PPP1R12B: variants seen among roughly 807,000 people sequenced by gnomAD.
PPP1R12B encodes myosin phosphatase target subunit 2.
Under a neutral mutation model 126.1 loss-of-function variants are expected in PPP1R12B, and 76 were observed. The observed-to-expected ratio is 0.60, with a 90% confidence interval of 0.50 to 0.73. PPP1R12B has a LOEUF of 0.73. PPP1R12B is among the 30% of genes least tolerant of loss of function. The probability of loss-of-function intolerance (pLI) is 0.00; values close to 1 mark genes in which losing one functional copy is unlikely to be tolerated. For synonymous variants in PPP1R12B, 356 were observed against 434.7 expected (o/e 0.82, Z 2.25); for missense variants, 1,052 against 1,205.1 (o/e 0.87, Z 1.88).
At chr1:202,515,073 A>G (rs990206685) in intron 18 of PPP1R12B, among the ~76,000 whole-genome samples, 75 of 152,236 alleles carry the variant, frequency 4.9e-4, no homozygotes, top group Non-Finnish European at 9.3e-4. Context: ...GTTGTCACTT[A>G]TAAGTGGAAG....
Position 202,483,109 on chromosome 1 carries a change from G to A in PPP1R12B, c.1851-5424G>A, listed in dbSNP as rs557631135. On this transcript the variant is annotated intron_variant, in intron 13 of 23. Coordinates refer to ENST00000608999, the MANE Select transcript of PPP1R12B (RefSeq NM_002481.4). ...TTCTGTTCCATTGGTCTACGTGTCT[G>A]TTTTTATGCCAGTACCATTCTGTTT... Among the ~76,000 whole-genome samples, 346 of 152,124 alleles carry A rather than the reference G, an allele frequency of 2.3e-3. 1 individual carries two copies. Among genetic ancestry groups the A allele is most frequent in the African/African-American group, 8.0e-3 (333 of 41,528 alleles).
chr1:202,388,194 C>T (rs1166731362), intron 1 of PPP1R12B, among the ~76,000 whole-genome samples: 2 of 150,982 alleles, frequency 1.3e-5, no homozygotes, highest in Non-Finnish European at 3.0e-5. Context: ...TAAGACTTTT[C>T]TTTTTTTGAG....
intron 5 of PPP1R12B, among the ~76,000 whole-genome samples, chr1:202,427,723 C>T (rs570441042): frequency 8.5e-5 from 13 of 152,138 alleles, no homozygotes; most frequent in Admixed American, 3.9e-4. Context: ...CAGCTCACTG[C>T]AGGCTCCACC....
At chr1:202,412,663 G>A (rs1209650983) in intron 1 of PPP1R12B, among the ~76,000 whole-genome samples, 1 of 152,110 alleles carries the variant, frequency 6.6e-6, no homozygotes, top group Admixed American at 6.5e-5. Context: ...AGGTTTAGAC[G>A]GCACATTTGA....
At chr1:202,453,694 T>C (rs1673282483) in intron 13 of PPP1R12B, among the ~76,000 whole-genome samples, 1 of 143,412 alleles carries the variant, frequency 7.0e-6, no homozygotes, top group Admixed American at 7.6e-5. Flanking sequence ...CTAATATGTC[T>C]ATTATAAAGA....
rs531722528 is a variant in PPP1R12B at position 202,551,132 on chromosome 1, A to G, written c.2491-7745A>G. Among the ~76,000 whole-genome samples the G allele has an allele frequency of 4.6e-5, 7 of 152,360 alleles. No homozygotes were observed. In the South Asian group the frequency reaches 1.5e-3, roughly 32 times the overall value. ...AATATGTGAGATGATGTTACATGAT[A>G]TCATTTTTACATGCCTTAAATTGAT... On this transcript the variant is annotated intron_variant, in intron 18 of 23. Transcript: ENST00000608999.
intron 1 of PPP1R12B, among the ~76,000 whole-genome samples, chr1:202,391,402 G>A (rs897998956): frequency 6.6e-5 from 10 of 152,132 alleles, no homozygotes; most frequent in Admixed American, 2.6e-4. Flanking sequence ...AGGGTGTGGT[G>A]AAATTGGAGC....
At position 202,586,432 on chromosome 1, in the gene PPP1R12B, C is replaced by G. The variant is rs1689816750; in HGVS notation, c.*5872C>G. 1 of 152,268 alleles carries G rather than the reference C, an allele frequency of 6.6e-6. No individual in the cohort carries two copies. The highest frequency in any genetic ancestry group is 2.4e-5 in the African/African-American group (1 of 41,468). The allele number at this position is 152,268 out of a possible 1,614,324, so 9.4% of individuals were successfully genotyped here. On this transcript the variant is annotated 3_prime_UTR_variant, in exon 24 of 24. Coordinates refer to ENST00000608999, the MANE Select transcript of PPP1R12B (RefSeq NM_002481.4). ...TCACACAGAAATGAGTTCTGTCTCA[C>G]TGGTGACTTCATCCCTCAGGCTCCA...
At chr1:202,578,209 C>T (rs1188301927) in intron 23 of PPP1R12B, among the ~76,000 whole-genome samples, 1 of 152,096 alleles carries the variant, frequency 6.6e-6, no homozygotes, top group Non-Finnish European at 1.5e-5. Flanking sequence ...GGAAATAAAT[C>T]ACTAAAACTC....
intron 13 of PPP1R12B, among the ~76,000 whole-genome samples, chr1:202,486,553 C>T (rs976665526): frequency 8.5e-5 from 13 of 152,178 alleles, no homozygotes; most frequent in African/African-American, 2.7e-4. Flanking sequence ...CGCCTATAAA[C>T]CAGCACTCTG....
At chr1:202,553,381 T>C (rs1686520703) in intron 18 of PPP1R12B, among the ~76,000 whole-genome samples, 1 of 152,206 alleles carries the variant, frequency 6.6e-6, no homozygotes, top group African/African-American at 2.4e-5. Context: ...GTGGCCATCA[T>C]TTGTCTTCAA....
At chr1:202,541,127 G>A (rs1290594987) in intron 18 of PPP1R12B, among the ~76,000 whole-genome samples, 2 of 152,144 alleles carry the variant, frequency 1.3e-5, no homozygotes, top group South Asian at 2.1e-4. Flanking sequence ...ACTAGATTGC[G>A]CTTTGCTGTA....
intron 13 of PPP1R12B, among the ~76,000 whole-genome samples, chr1:202,455,693 C>T (rs1163910766): frequency 1.3e-5 from 2 of 152,126 alleles, no homozygotes; most frequent in Admixed American, 6.5e-5. Flanking sequence ...TAGAAGTTTT[C>T]GTGTGGACAT....
intron 23 of PPP1R12B, chr1:202,575,985 C>T (rs1464903132): frequency 6.6e-6 from 1 of 152,238 alleles, no homozygotes; most frequent in Non-Finnish European, 1.5e-5. Flanking sequence ...CCTCCTTCTG[C>T]AGTAGTCTTT....
At chr1:202,550,031 TG>T (rs1686148410) in intron 18 of PPP1R12B, among the ~76,000 whole-genome samples, 1 of 152,248 alleles carries the variant, frequency 6.6e-6, no homozygotes, top group South Asian at 2.1e-4. Flanking sequence ...TTCAGATTCC[TG>T]TTTATTGCAA....
chr1:202,452,503 C>T (rs1313095888), intron 13 of PPP1R12B, among the ~76,000 whole-genome samples: 3 of 151,926 alleles, frequency 2.0e-5, no homozygotes, highest in South Asian at 2.1e-4. Flanking sequence ...GGCAGCAGTA[C>T]AGTCCAGCTT....
chr1:202,559,021 G>A, intron 19 of PPP1R12B, 128 bp downstream of exon 19: 1 of 990,302 alleles, frequency 1.0e-6, no homozygotes, highest in Non-Finnish European at 1.4e-6. Flanking sequence ...CATTTCCACA[G>A]CCACCACAAT....
At chr1:202,395,928 A>G (rs1270555559) in intron 1 of PPP1R12B, among the ~76,000 whole-genome samples, 1 of 152,196 alleles carries the variant, frequency 6.6e-6, no homozygotes, top group African/African-American at 2.4e-5. Flanking sequence ...ATGGTCCCCA[A>G]ATTCAAATAG....
intron 1 of PPP1R12B, among the ~76,000 whole-genome samples, chr1:202,385,471 A>C (rs1442636689): frequency 6.6e-6 from 1 of 152,204 alleles, no homozygotes; most frequent in Admixed American, 6.5e-5. Context: ...AACACCATAA[A>C]AATCTTGACA....
Sources: gnomAD v4.1 joint callset for allele counts (sites outside exome capture counted in the v4.1 genomes callset) on GRCh38, gnomAD v4.1.1 for gene constraint, MANE v1.5 for transcripts, NCBI Gene and HGNC (gene_info 2026-07-23, HGNC 2026-07-21) for gene names.